GABRG3: variants seen among roughly 807,000 people sequenced by gnomAD.
GABRG3 encodes the protein gamma-aminobutyric acid type A receptor subunit gamma3.
A neutral mutation model predicts 48.8 loss-of-function variants in GABRG3; 25 were observed. The ratio of observed to expected loss-of-function variants is 0.51; its 90% CI spans 0.37 to 0.72. GABRG3 has a LOEUF of 0.72. GABRG3 is among the 30% of genes least tolerant of loss of function. GABRG3 has a pLI of 0.00. For missense variants in GABRG3, 394 were observed against 577.9 expected (o/e 0.68, Z 3.26); for synonymous variants, 227 against 217.6 (o/e 1.04, Z -0.38).
chr15:27,296,930 T>C (rs927265799), intron 3 of GABRG3, among the ~76,000 whole-genome samples: 61 of 152,010 alleles, frequency 4.0e-4, no homozygotes, highest in African/African-American at 1.4e-3. Context: ...TCGTAGGAGA[T>C]GACGGCTCCA....
At chr15:27,018,027 G>A (rs1356347897) in intron 2 of GABRG3, among the ~76,000 whole-genome samples, 1 of 152,198 alleles carries the variant, frequency 6.6e-6, no homozygotes, top group Non-Finnish European at 1.5e-5. Context: ...TGCATTCCCT[G>A]CCAGATGGTG....
At chr15:27,498,346 T>C (rs977186818) in intron 6 of GABRG3, among the ~76,000 whole-genome samples, 4 of 152,184 alleles carry the variant, frequency 2.6e-5, no homozygotes, top group African/African-American at 7.2e-5. Flanking sequence ...TTCTAAATTA[T>C]TTGTTTCTTT....
chr15:27,473,844 C>T (rs1486104969), intron 5 of GABRG3, among the ~76,000 whole-genome samples: 1 of 152,158 alleles, frequency 6.6e-6, no homozygotes, highest in Non-Finnish European at 1.5e-5. Flanking sequence ...AACAGTATCC[C>T]TTCACTTTCA....
chr15:27,208,284 C>A (rs1193788983), intron 3 of GABRG3: 1 of 195,450 alleles, frequency 5.1e-6, no homozygotes, highest in Non-Finnish European at 1.1e-5. Flanking sequence ...TGGACGAGCA[C>A]CTGGCCATTT....
chr15:27,518,536 A>G (rs967274775), intron 6 of GABRG3, among the ~76,000 whole-genome samples: 1 of 152,224 alleles, frequency 6.6e-6, no homozygotes, highest in South Asian at 2.1e-4. Context: ...AAACAAATCC[A>G]TCCAATTTAT....
intron 5 of GABRG3, among the ~76,000 whole-genome samples, chr15:27,471,426 A>T (rs1889784712): frequency 6.6e-6 from 1 of 152,222 alleles, no homozygotes; most frequent in Non-Finnish European, 1.5e-5. Context: ...CTACACCTAC[A>T]TCTTAGTAGA....
rs528324344 is a variant in GABRG3, at chr15:27,190,018, T to C, written c.271-136791T>C. Among the ~76,000 whole-genome samples, 455 of 152,370 alleles carry C rather than the reference T, an allele frequency of 3.0e-3. 2 individuals carry two copies. Among genetic ancestry groups the C allele is most frequent in the African/African-American group, 0.01 (428 of 41,586 alleles). On this transcript the variant is annotated intron_variant, in intron 3 of 9. Coordinates refer to ENST00000615808, the MANE Select transcript of GABRG3 (RefSeq NM_033223.5). ...TTTGTCTTTGGTTCTGTTTATATGC[T>C]GGATTACATTTATAGATTTGTGTAT...
chr15:27,057,993 G>A (rs1280837615), intron 3 of GABRG3, among the ~76,000 whole-genome samples: 2 of 152,160 alleles, frequency 1.3e-5, no homozygotes, highest in Non-Finnish European at 2.9e-5. Context: ...GAGGCGGCTT[G>A]TATACTCACT....
chr15:27,533,838 T>C lies in GABRG3; in HGVS notation c.*957T>C, dbSNP rs1891488822. 6.6e-6 allele frequency: 1 copy of C among 152,162 alleles called. No individual in the cohort carries two copies. 9.4% of individuals were successfully genotyped at this position (152,162 alleles called of 1,614,324 possible). ...AGACATGTAGATAAAATTTTATTTT[T>C]ATTTTATTTTTTTGAGACAGAGTCA... is the stretch of plus-strand genomic sequence containing the variant. On this transcript the variant is annotated 3_prime_UTR_variant, in exon 10 of 10. Transcript: ENST00000615808.
chr15:27,174,811 G>C (rs1378055260), intron 3 of GABRG3, among the ~76,000 whole-genome samples: 1 of 152,026 alleles, frequency 6.6e-6, no homozygotes, highest in Admixed American at 6.6e-5. Context: ...TGCTGTCCCA[G>C]CATTTCTGTA....
rs73367735 is a variant in GABRG3, at chr15:27,028,110, C to G, written c.270+1289C>G. Among the ~76,000 whole-genome samples the G allele has an allele frequency of 2.6e-3, 400 of 152,250 alleles. 1 individual carries two copies. The highest frequency in any genetic ancestry group is 9.2e-3 in the African/African-American group (383 of 41,524). The stretch of plus-strand genomic sequence containing the variant: ...TGTTAGGCTTTGTTATTGGAATAGA[C>G]GGGAATTTTCATGTGGAAATCACGG... On this transcript the variant is annotated intron_variant, in intron 3 of 9. Coordinates refer to ENST00000615808, the MANE Select transcript of GABRG3 (RefSeq NM_033223.5).
chr15:27,165,547 C>G (rs774347733), intron 3 of GABRG3, among the ~76,000 whole-genome samples: 11 of 152,118 alleles, frequency 7.2e-5, no homozygotes, highest in Non-Finnish European at 1.5e-4. Flanking sequence ...CCAGTGTTAG[C>G]ATCCTGAGCT....
At chr15:27,168,034 G>C (rs552380223) in intron 3 of GABRG3, among the ~76,000 whole-genome samples, 2 of 152,012 alleles carry the variant, frequency 1.3e-5, no homozygotes, top group African/African-American at 4.8e-5. Flanking sequence ...TGTAGCCATA[G>C]GAAGGTGACT....
At chr15:27,164,431 C>T (rs118179570) in intron 3 of GABRG3, among the ~76,000 whole-genome samples, 12,393 of 152,184 alleles carry the variant, frequency 0.081, 853 homozygotes, top group African/African-American at 0.18. Flanking sequence ...TTGGTATTAG[C>T]ACATTAGTGT....
chr15:27,261,529 C>CAT (rs926503405), intron 3 of GABRG3, among the ~76,000 whole-genome samples: 7 of 148,748 alleles, frequency 4.7e-5, no homozygotes, highest in South Asian at 2.1e-4. Context: ...CATATATATA[C>CAT]ATATATATAT....
intron 3 of GABRG3, among the ~76,000 whole-genome samples, chr15:27,275,663 T>C (rs1891228056): frequency 6.6e-6 from 1 of 152,180 alleles, no homozygotes. Flanking sequence ...TGTTTTGGCA[T>C]GGGAGAAAAT....
chr15:27,377,704 A>G (rs1310746238), intron 5 of GABRG3, among the ~76,000 whole-genome samples: 1 of 152,234 alleles, frequency 6.6e-6, no homozygotes, highest in Non-Finnish European at 1.5e-5. Context: ...AGATTTGGGT[A>G]CAGACACAGC....
chr15:27,002,401 T>G (rs1895465501), intron 2 of GABRG3, among the ~76,000 whole-genome samples: 1 of 152,196 alleles, frequency 6.6e-6, no homozygotes, highest in Non-Finnish European at 1.5e-5. Context: ...ATTTCACAAA[T>G]AGTTTTAGAA....
At chr15:27,054,370 C>A (rs904181422) in intron 3 of GABRG3, among the ~76,000 whole-genome samples, 2 of 152,066 alleles carry the variant, frequency 1.3e-5, no homozygotes, top group Admixed American at 6.6e-5. Context: ...CATCACGAAA[C>A]ATATCCAGGG....
Sources: gnomAD v4.1 joint callset for allele counts (sites outside exome capture counted in the v4.1 genomes callset) on GRCh38, gnomAD v4.1.1 for gene constraint, MANE v1.5 for transcripts, NCBI Gene and HGNC (gene_info 2026-07-23, HGNC 2026-07-21) for gene names.